WDTC1: variants seen among roughly 807,000 people sequenced by gnomAD.
WDTC1 encodes WD and tetratricopeptide repeats 1.
Under a neutral mutation model 76.0 loss-of-function variants are expected in WDTC1, and 12 were observed. The ratio of observed to expected loss-of-function variants is 0.16; its 90% CI spans 0.10 to 0.26. WDTC1 has a LOEUF of 0.26. Among genes scored for constraint, WDTC1 ranks in the 10% least tolerant of loss-of-function variants. The pLI, the probability that WDTC1 is intolerant of heterozygous loss-of-function variation, is 1.00. For synonymous variants in WDTC1, 326 were observed against 350.8 expected, an observed-to-expected ratio of 0.93 and a Z score of 0.79; for missense variants, 511 against 908.8, an observed-to-expected ratio of 0.56 and a Z score of 5.63.
intron 12 of WDTC1, 143 bp downstream of exon 12, chr1:27,298,254 G>T: frequency 4.8e-6 from 5 of 1,035,970 alleles, no homozygotes; most frequent in Non-Finnish European, 6.7e-6. Context: ...GGGCTTCTTG[G>T]CCTCTCCTCC....
At position 27,274,919 on chromosome 1, in the gene WDTC1, T is replaced by C. The variant is rs2012978005; in HGVS notation, c.133-7320T>C. On this transcript the variant is annotated intron_variant, in intron 3 of 15. Transcript: ENST00000319394. This position sits in a 1 kb window ranked among gnomAD's most constrained non-coding sequence, Gnocchi z 4.2. ...AGAGAAGAAGAAAGGAATCTCACTT[T>C]ACAAATCAGAGTAAAACTCAGCATT... Among the ~76,000 whole-genome samples the C allele has an allele frequency of 6.6e-6, 1 of 152,236 alleles. No homozygotes were observed. The highest frequency in any genetic ancestry group is 1.5e-5 in the Non-Finnish European group (1 of 68,052).
chr1:27,269,065 C>A (rs1380829982), intron 3 of WDTC1, among the ~76,000 whole-genome samples: 1 of 143,200 alleles, frequency 7.0e-6, no homozygotes, highest in East Asian at 2.2e-4. Flanking sequence ...TGGCTCACGC[C>A]TGTAAATCCC....
Position 27,292,679 on chromosome 1 carries a change from G to T in WDTC1, c.662+282G>T, listed in dbSNP as rs528337502. On this transcript the variant is annotated intron_variant, in intron 7 of 15. Coordinates refer to ENST00000319394, the MANE Select transcript of WDTC1 (RefSeq NM_001276252.2). ...CGAGCTAAAGCAATCTTTCCACCTC[G>T]ACCTCCCAAAGTGCTGGGACTACAA... Among the ~76,000 whole-genome samples, 6 of 150,930 alleles carry T rather than the reference G, an allele frequency of 4.0e-5. No individual in the cohort carries two copies. The East Asian group carries it at 1.2e-3, about 29-fold the overall frequency.
In WDTC1 at chr1:27,301,543, G is replaced by T; in HGVS notation, c.1468+82G>T. Reference sequence around the variant, plus strand: ...ACATTCTGGAGAGGTCATGGTTCTGGGATTGGAGAGGCCTGGGTTCAGATG... The same window carrying T: ...ACATTCTGGAGAGGTCATGGTTCTGTGATTGGAGAGGCCTGGGTTCAGATG... On this transcript the variant is annotated intron_variant, in intron 13 of 15. Coordinates refer to ENST00000319394, the MANE Select transcript of WDTC1 (RefSeq NM_001276252.2). This position sits in a 1 kb window ranked among gnomAD's most constrained non-coding sequence, Gnocchi z 5.8. 6.9e-7 allele frequency: 1 copy of T among 1,459,446 alleles called. No homozygotes were observed. Among genetic ancestry groups the T allele is most frequent in the South Asian group, 1.2e-5 (1 of 83,544 alleles). 90.4% of individuals were successfully genotyped at this position (1,459,446 alleles called of 1,614,324 possible).
chr1:27,269,291 A>G (rs367806158), intron 3 of WDTC1, among the ~76,000 whole-genome samples: 4 of 150,358 alleles, frequency 2.7e-5, no homozygotes, highest in African/African-American at 7.3e-5. Context: ...GCAGTGAGCC[A>G]TGATCACACC....
intron 1 of WDTC1, among the ~76,000 whole-genome samples, chr1:27,256,681 A>G (rs1170594659): frequency 6.6e-6 from 1 of 152,114 alleles, no homozygotes; most frequent in East Asian, 1.9e-4. Flanking sequence ...TCCTGCTAGA[A>G]TGTAAGTACC....
intron 1 of WDTC1, among the ~76,000 whole-genome samples, chr1:27,247,166 C>T (rs541548111): frequency 2.6e-5 from 4 of 151,240 alleles, no homozygotes; most frequent in East Asian, 2.0e-4. Context: ...AAGCGATTCT[C>T]CTGCCTCAGC....
In WDTC1 at chr1:27,305,016, C is replaced by T. The variant is rs143241417; in HGVS notation, c.1659C>T (p.Ile553=). 6 of 1,613,666 alleles carry T rather than the reference C, an allele frequency of 3.7e-6. No individual in the cohort carries two copies. Among genetic ancestry groups the T allele is most frequent in the South Asian group, 1.1e-5 (1 of 91,058 alleles). Residue 553 remains isoleucine (I), a synonymous_variant, in exon 15 of 16, where the codon ATC becomes ATT. Transcript: ENST00000319394. The surrounding 1 kb of genome is among the most constrained non-coding windows in gnomAD (Gnocchi z 4.6). The part of the protein sequence containing the change: ...ANFFGSNAQY[I]VSGSDDGSFF... ...CCCCCGCCAGCAACGCTCAGTATAT[C>T]GTCAGTGGCTCTGACGATGGCTCCT...
rs1252584653 is a variant in WDTC1 at position 27,294,499 on chromosome 1, G to A, written c.758-15G>A. On this transcript the variant is annotated splice_polypyrimidine_tract_variant and intron_variant, in intron 8 of 15. Transcript: ENST00000319394. Reference sequence around the variant, plus strand: ...AGGGACTGGGACCCTAGTATGACTGGGCTATTCCCTGCAGGTCACCTGCCA... The same window carrying A: ...AGGGACTGGGACCCTAGTATGACTGAGCTATTCCCTGCAGGTCACCTGCCA... The A allele has an allele frequency of 6.2e-7, 1 of 1,612,316 alleles. No individual in the cohort carries two copies. Among genetic ancestry groups the A allele is most frequent in the Non-Finnish European group, 8.5e-7 (1 of 1,178,516 alleles).
At chr1:27,298,515 T>C (rs2013749268) in intron 12 of WDTC1, among the ~76,000 whole-genome samples, 1 of 152,174 alleles carries the variant, frequency 6.6e-6, no homozygotes, top group African/African-American at 2.4e-5. Context: ...AGTTGGTATG[T>C]GTCTAAAATA....
In WDTC1 at chr1:27,296,308, T is replaced by G. The variant is rs755249013; in HGVS notation, c.874-18T>G. ...ACCTCACAGCTTCCATCTCTTTTTT[T>G]GCCCCCCTCAACTCTAGGTCTATTT... On this transcript the variant is annotated intron_variant, in intron 9 of 15. Transcript: ENST00000319394. 3 of 1,613,960 alleles carry G rather than the reference T, an allele frequency of 1.9e-6. No individual in the cohort carries two copies. The African/African-American group carries it at 4.0e-5, about 22-fold the overall frequency.
Position 27,285,123 on chromosome 1 carries a change from C to T in WDTC1, c.291+1674C>T, listed in dbSNP as rs540296849. 1.1e-4 allele frequency among the ~76,000 whole-genome samples: 17 copies of T among 151,062 alleles called. No homozygotes were observed. The East Asian group carries it at 1.4e-3, about 12-fold the overall frequency. The stretch of plus-strand genomic sequence containing the variant: ...CACAATCTTGGCTCACTGCAACCTC[C>T]GCCTCTGGGTTCAAGCGATTCTTGT... On this transcript the variant is annotated intron_variant, in intron 5 of 15. Transcript: ENST00000319394.
At chr1:27,263,757 G>T (rs2012562994) in intron 3 of WDTC1, among the ~76,000 whole-genome samples, 1 of 152,058 alleles carries the variant, frequency 6.6e-6, no homozygotes, top group African/African-American at 2.4e-5. Flanking sequence ...CATATTATTT[G>T]CTTTAAAAAA....
chr1:27,292,998 C>T (rs544848289), intron 7 of WDTC1, among the ~76,000 whole-genome samples: 6 of 150,560 alleles, frequency 4.0e-5, no homozygotes, highest in East Asian at 2.0e-4. Flanking sequence ...GTGATCTGCC[C>T]GCCTCGGCCT....
rs1453079145 is a variant in WDTC1 at position 27,306,093 on chromosome 1, A to G, written c.1837-93A>G. ...GTGTACCTCCCCCTATAGATAGTTT[A>G]GTCTGTGTATTTCCCTCCCCCTCCC... On this transcript the variant is annotated intron_variant, in intron 15 of 15. Transcript: ENST00000319394. This position sits in a 1 kb window ranked among gnomAD's most constrained non-coding sequence, Gnocchi z 5.0. 6 of 1,386,746 alleles carry G rather than the reference A, an allele frequency of 4.3e-6. No individual in the cohort carries two copies. The African/African-American group carries it at 8.5e-5, about 20-fold the overall frequency. The allele number at this position is 1,386,746 out of a possible 1,614,324, so 85.9% of individuals were successfully genotyped here. A position where few individuals can be genotyped will look rare whatever the true frequency, so the allele number is the denominator to read the frequency against.
At chr1:27,286,740 G>T (rs2013352114) in intron 5 of WDTC1, among the ~76,000 whole-genome samples, 2 of 151,972 alleles carry the variant, frequency 1.3e-5, no homozygotes, top group African/African-American at 4.8e-5. Context: ...GGGATTATAG[G>T]CATGAGCCAC....
At chr1:27,238,635 G>A (rs1486459032) in intron 1 of WDTC1, among the ~76,000 whole-genome samples, 1 of 151,130 alleles carries the variant, frequency 6.6e-6, no homozygotes, top group South Asian at 2.1e-4. Context: ...GCATGATCTC[G>A]GCTCACTGCA....
intron 1 of WDTC1, among the ~76,000 whole-genome samples, chr1:27,242,046 C>T (rs1296202165): frequency 1.3e-5 from 2 of 151,992 alleles, no homozygotes; most frequent in African/African-American, 2.4e-5. Flanking sequence ...CGTGTGCCAT[C>T]ACGCCTGGCT....
chr1:27,302,305 T>C (rs983519117), intron 13 of WDTC1, among the ~76,000 whole-genome samples: 1 of 151,862 alleles, frequency 6.6e-6, no homozygotes, highest in African/African-American at 2.4e-5. Context: ...AACAAAAAAG[T>C]ATGACAAGTG....
Sources: allele counts gnomAD v4.1 joint callset (sites outside exome capture counted in the v4.1 genomes callset), GRCh38; gene constraint gnomAD v4.1.1; non-coding constraint Gnocchi (gnomAD v3.1); transcripts MANE v1.5; gene names NCBI Gene and HGNC (gene_info 2026-07-23, HGNC 2026-07-21).